FBXW11: variants seen among roughly 807,000 people sequenced by gnomAD.
FBXW11 encodes F-box/WD repeat-containing protein 11.
In FBXW11, 19 loss-of-function variants were observed where a neutral mutation model predicts 77.6. The ratio of observed to expected loss-of-function variants is 0.24; its 90% CI spans 0.17 to 0.36. FBXW11 has a LOEUF of 0.36. Among genes scored for constraint, FBXW11 ranks in the 10% least tolerant of loss-of-function variants. The probability of loss-of-function intolerance (pLI) is 1.00; values close to 1 mark genes in which losing one functional copy is unlikely to be tolerated. For synonymous variants in FBXW11, 235 were observed against 249.4 expected (o/e 0.94, Z 0.54); for missense variants, 334 against 704.2 (o/e 0.47, Z 5.95).
chr5:171,981,242 G>A (rs1373906690), intron 1 of FBXW11, among the ~76,000 whole-genome samples: 1 of 152,058 alleles, frequency 6.6e-6, no homozygotes, highest in Non-Finnish European at 1.5e-5. Flanking sequence ...ACTTCACAGA[G>A]ACAGAAGCTC....
Position 171,870,729 on chromosome 5 carries a change from G to A in FBXW11, c.1451+19C>T. On this transcript the variant is annotated intron_variant, in intron 11 of 13. Transcript: ENST00000517395. Reference sequence around the variant, plus strand: ...TTGATACAGTTATAGCAGTACATCTGAAAATCTGAAAGACATACCCATCAT... The same window carrying A: ...TTGATACAGTTATAGCAGTACATCTAAAAATCTGAAAGACATACCCATCAT... The A allele has an allele frequency of 6.4e-7, 1 of 1,555,450 alleles. No individual in the cohort carries two copies. The highest frequency in any genetic ancestry group is 8.9e-7 in the Non-Finnish European group (1 of 1,126,868).
At chr5:171,895,613 G>A (rs891484966) in intron 6 of FBXW11, among the ~76,000 whole-genome samples, 2 of 152,216 alleles carry the variant, frequency 1.3e-5, no homozygotes, top group Non-Finnish European at 2.9e-5. Flanking sequence ...AATGGCAAAA[G>A]AGAAAAATCC....
intron 2 of FBXW11, among the ~76,000 whole-genome samples, chr5:171,923,895 C>T (rs965574205): frequency 3.8e-5 from 5 of 131,790 alleles, no homozygotes; most frequent in South Asian, 2.7e-4. Flanking sequence ...GGAGGGTCCG[C>T]GGTGAAACCC....
chr5:171,942,587 C>A (rs1265909123), intron 2 of FBXW11, among the ~76,000 whole-genome samples: 1 of 152,128 alleles, frequency 6.6e-6, no homozygotes, highest in Non-Finnish European at 1.5e-5. Flanking sequence ...ATCACTTGAG[C>A]CCAGGAGTTT....
intron 3 of FBXW11, 91 bp downstream of exon 3, chr5:171,914,252 T>G (rs984268428): frequency 9.3e-7 from 1 of 1,071,922 alleles, no homozygotes; most frequent in Non-Finnish European, 1.3e-6. Context: ...ACAAAATGCT[T>G]GGCTCTTGAT....
At chr5:171,875,666 A>G (rs1021925003) in intron 9 of FBXW11, among the ~76,000 whole-genome samples, 4 of 152,194 alleles carry the variant, frequency 2.6e-5, no homozygotes, top group Non-Finnish European at 5.9e-5. Flanking sequence ...GTTAGCTGAG[A>G]TATTGGAATC....
intron 1 of FBXW11, among the ~76,000 whole-genome samples, chr5:171,999,047 C>A (rs1033142723): frequency 1.3e-5 from 2 of 152,046 alleles, no homozygotes; most frequent in African/African-American, 4.8e-5. Context: ...CTCGCCATAA[C>A]AATCAGATGA....
At chr5:171,975,303 G>A (rs928181219) in intron 1 of FBXW11, among the ~76,000 whole-genome samples, 1 of 152,204 alleles carries the variant, frequency 6.6e-6, no homozygotes, top group Admixed American at 6.5e-5. Context: ...AGGAACATGA[G>A]AGTTTACAGA....
At chr5:171,898,758 T>C (rs1166490739) in intron 6 of FBXW11, among the ~76,000 whole-genome samples, 1 of 152,202 alleles carries the variant, frequency 6.6e-6, no homozygotes, top group Non-Finnish European at 1.5e-5. Context: ...AAGGTTTGAA[T>C]TAACCGGCAG....
chr5:171,925,530 T>C (rs1294553195), intron 2 of FBXW11, among the ~76,000 whole-genome samples: 2 of 152,240 alleles, frequency 1.3e-5, no homozygotes, highest in Non-Finnish European at 2.9e-5. Flanking sequence ...ACTCAGGCTA[T>C]AGTGCAGTGG....
chr5:171,885,908 G>T (rs902643582), intron 7 of FBXW11, among the ~76,000 whole-genome samples: 1 of 152,102 alleles, frequency 6.6e-6, no homozygotes, highest in Non-Finnish European at 1.5e-5. Flanking sequence ...AGTGATCAAG[G>T]ATTGGTGCAG....
intron 2 of FBXW11, among the ~76,000 whole-genome samples, chr5:171,947,548 A>C (rs1165341187): frequency 2.7e-4 from 41 of 152,100 alleles, no homozygotes; most frequent in Non-Finnish European, 5.9e-5. Flanking sequence ...TATTAAAAAA[A>C]AAAAAACAAG....
At chr5:171,970,027 C>A (rs1727592707) in intron 1 of FBXW11, among the ~76,000 whole-genome samples, 1 of 152,160 alleles carries the variant, frequency 6.6e-6, no homozygotes, top group Non-Finnish European at 1.5e-5. Flanking sequence ...TTTTTAACAT[C>A]TTTTGTAGAC....
At chr5:171,893,544 T>C (rs1035219365) in intron 6 of FBXW11, among the ~76,000 whole-genome samples, 1 of 151,368 alleles carries the variant, frequency 6.6e-6, no homozygotes, top group African/African-American at 2.4e-5. Context: ...AGGCATTTCT[T>C]AAGCAGAACT....
chr5:171,961,122 T>C (rs1763887282), intron 1 of FBXW11, among the ~76,000 whole-genome samples: 2 of 152,206 alleles, frequency 1.3e-5, no homozygotes, highest in Admixed American at 6.5e-5. Flanking sequence ...GGCTCAGAGA[T>C]GAAGTAATTT....
intron 1 of FBXW11, among the ~76,000 whole-genome samples, chr5:171,960,518 G>C (rs1763853656): frequency 1.3e-5 from 2 of 152,150 alleles, no homozygotes; most frequent in Admixed American, 6.5e-5. Flanking sequence ...GCCTCAAAGG[G>C]TAAAAACCAT....
chr5:171,900,416 T>C (rs1315690988), intron 4 of FBXW11, among the ~76,000 whole-genome samples: 1 of 152,182 alleles, frequency 6.6e-6, no homozygotes, highest in East Asian at 1.9e-4. Context: ...AGCACTCCTA[T>C]AGGGCAATGA....
At chr5:171,959,855 A>AG in intron 1 of FBXW11, among the ~76,000 whole-genome samples, 1 of 125,584 alleles carries the variant, frequency 8.0e-6, no homozygotes, top group East Asian at 2.6e-4. Flanking sequence ...CTCAAAAAAA[A>AG]AAAAAAGAAA....
At chr5:171,956,912 G>C (rs1325386344) in intron 2 of FBXW11, among the ~76,000 whole-genome samples, 1 of 152,184 alleles carries the variant, frequency 6.6e-6, no homozygotes, top group East Asian at 1.9e-4. Flanking sequence ...CAACAAGAGA[G>C]GGTCACCAGC....
Sources: gnomAD v4.1 joint callset for allele counts (sites outside exome capture counted in the v4.1 genomes callset) on GRCh38, gnomAD v4.1.1 for gene constraint, MANE v1.5 for transcripts, NCBI Gene and HGNC (gene_info 2026-07-23, HGNC 2026-07-21) for gene names.